Variants in RANBP3L observed in about 807,000 individuals in gnomAD.
RANBP3L encodes ran-binding protein 3-like.
Under a neutral mutation model 67.2 loss-of-function variants are expected in RANBP3L, and 56 were observed. That is an observed-to-expected ratio of 0.83 (90% CI 0.67 to 1.04). RANBP3L has a LOEUF of 1.04. Among genes scored for constraint, RANBP3L ranks in the 50% least tolerant of loss-of-function variants. The pLI is 0.00. For synonymous variants in RANBP3L, 164 were observed against 181.4 expected (o/e 0.90, Z 0.77); for missense variants, 496 against 535.5 (o/e 0.93, Z 0.73).
At chr5:36,292,853 C>G (rs1579786967) in intron 1 of RANBP3L, among the ~76,000 whole-genome samples, 1 of 152,210 alleles carries the variant, frequency 6.6e-6, no homozygotes, top group East Asian at 1.9e-4. Flanking sequence ...CAGCTTCATT[C>G]CTTTGGCTTA....
In RANBP3L at chr5:36,249,580, T is replaced by C; in HGVS notation, c.*74A>G. 1.6e-6 allele frequency: 1 copy of C among 636,934 alleles called. No individual in the cohort carries two copies. Among genetic ancestry groups the C allele is most frequent in the Non-Finnish European group, 2.7e-6 (1 of 372,812 alleles). 39.5% of individuals were successfully genotyped at this position (636,934 alleles called of 1,614,324 possible). A position where few individuals can be genotyped will look rare whatever the true frequency, so the allele number is the denominator to read the frequency against. On this transcript the variant is annotated 3_prime_UTR_variant, in exon 14 of 14. Coordinates refer to ENST00000296604, the MANE Select transcript of RANBP3L (RefSeq NM_145000.5). ...CAAGGAATGAATAGAATCTTCTCATTAGTTAGGGTGGTTTAGTATTTTCAG... is the reference window on the plus strand; with the variant it reads ...CAAGGAATGAATAGAATCTTCTCATCAGTTAGGGTGGTTTAGTATTTTCAG...
intron 1 of RANBP3L, among the ~76,000 whole-genome samples, chr5:36,291,015 A>G (rs1751711215): frequency 6.6e-6 from 1 of 150,674 alleles, no homozygotes; most frequent in South Asian, 2.1e-4. Flanking sequence ...AAGTGCTGGG[A>G]TTACAGGCGT....
intron 1 of RANBP3L, among the ~76,000 whole-genome samples, chr5:36,300,637 C>T (rs767277680): frequency 2.0e-5 from 3 of 152,142 alleles, no homozygotes; most frequent in Admixed American, 6.6e-5. Flanking sequence ...CAGCCTTTCC[C>T]ACAAGTGTCA....
At chr5:36,261,306 CTT>C (rs1749368560) in intron 7 of RANBP3L, among the ~76,000 whole-genome samples, 1 of 151,974 alleles carries the variant, frequency 6.6e-6, no homozygotes, top group South Asian at 2.1e-4. Flanking sequence ...CTCCCAGAAA[CTT>C]TTTTTTAATG....
chr5:36,288,595 G>C (rs549106652), intron 1 of RANBP3L, among the ~76,000 whole-genome samples: 1 of 152,096 alleles, frequency 6.6e-6, no homozygotes, highest in Admixed American at 6.6e-5. Flanking sequence ...TTCCAGCAGC[G>C]AGTGAGTTCT....
rs1752583636 is a variant in RANBP3L, at chr5:36,301,182, A to T, written c.91+144T>A. On this transcript the variant is annotated intron_variant, in intron 1 of 13. Transcript: ENST00000296604. The stretch of plus-strand genomic sequence containing the variant: ...AGTCTTCCATAGTCCTCTAAAAATC[A>T]ATAGTGAATCCAAGTTAACCCACCC... 3 of 669,274 alleles carry T rather than the reference A, an allele frequency of 4.5e-6. No homozygotes were observed. In the Admixed American group the frequency reaches 6.6e-5, roughly 15 times the overall value. 41.5% of individuals were successfully genotyped at this position (669,274 alleles called of 1,614,324 possible).
intron 1 of RANBP3L, among the ~76,000 whole-genome samples, chr5:36,298,351 C>T (rs527737807): frequency 2.0e-5 from 3 of 151,452 alleles, no homozygotes; most frequent in Non-Finnish European, 4.4e-5. Flanking sequence ...AAGCTAGTCA[C>T]GCCTACAGAA....
rs200700462 is a variant in RANBP3L, at chr5:36,301,373, C to T, written c.44G>A (p.Ser15Asn). 24 of 1,613,746 alleles carry T rather than the reference C, an allele frequency of 1.5e-5. No individual in the cohort carries two copies. The highest frequency in any genetic ancestry group is 1.6e-4 in the Middle Eastern group (1 of 6,068). Residue 15 changes from serine to asparagine, a missense_variant, in exon 1 of 14, where the codon AGT (serine) becomes AAT (asparagine). Physicochemically the swap from Ser to Asn is conservative, Grantham distance 46. Transcript: ENST00000296604. ...CAGCTTCAGTTTACAGGTGTGCAAA[C>T]TGCCAGGCAGGTGGCTGCTGCCTTT... ...PRKGSSHLPG[S>N]LHTCKLKLQE...
chr5:36,301,071 T>C (rs949369326), intron 1 of RANBP3L, among the ~76,000 whole-genome samples: 6 of 152,152 alleles, frequency 3.9e-5, no homozygotes, highest in Admixed American at 1.3e-4. Flanking sequence ...TTAGACAAAA[T>C]CTAGCATACT....
Position 36,292,422 on chromosome 5 carries a change from A to G in RANBP3L, c.91+8904T>C, listed in dbSNP as rs549767750. 3.3e-5 allele frequency among the ~76,000 whole-genome samples: 5 copies of G among 152,118 alleles called. No individual in the cohort carries two copies. In the South Asian group the frequency reaches 8.3e-4, roughly 25 times the overall value. On this transcript the variant is annotated intron_variant, in intron 1 of 13. Coordinates refer to ENST00000296604, the MANE Select transcript of RANBP3L (RefSeq NM_145000.5). ...GAGTTTAATTAGATCCCATTTGTCA[A>G]TTTTGGCTTTTGTTGCCATTGCTTT... is the stretch of plus-strand genomic sequence containing the variant.
chr5:36,254,413 C>G (rs1326989024), intron 11 of RANBP3L, among the ~76,000 whole-genome samples: 3 of 151,910 alleles, frequency 2.0e-5, no homozygotes, highest in Non-Finnish European at 4.4e-5. Context: ...TCAATCCATG[C>G]TTTCTGTTTT....
chr5:36,252,739 G>T (rs1748684310), intron 12 of RANBP3L, among the ~76,000 whole-genome samples: 3 of 152,064 alleles, frequency 2.0e-5, no homozygotes, highest in Admixed American at 2.0e-4. Flanking sequence ...GGGGAATCTG[G>T]CCCAGACGAC....
chr5:36,294,633 T>G (rs1044673570), intron 1 of RANBP3L, among the ~76,000 whole-genome samples: 1 of 151,972 alleles, frequency 6.6e-6, no homozygotes, highest in African/African-American at 2.4e-5. Context: ...AAGAACATTT[T>G]TATTTCTGCC....
At chr5:36,298,780 G>T (rs1333244631) in intron 1 of RANBP3L, among the ~76,000 whole-genome samples, 4 of 152,222 alleles carry the variant, frequency 2.6e-5, no homozygotes, top group Non-Finnish European at 1.5e-5. Context: ...GGAAGAATAT[G>T]CTTGCTTTCA....
chr5:36,255,227 A>G (rs567928837), intron 11 of RANBP3L, among the ~76,000 whole-genome samples: 1 of 152,214 alleles, frequency 6.6e-6, no homozygotes, highest in Non-Finnish European at 1.5e-5. Flanking sequence ...TAGAGTAGAG[A>G]AAGAGATTTA....
chr5:36,255,499 G>A lies in RANBP3L; in HGVS notation c.995C>T (p.Thr332Ile), dbSNP rs893627737. 5.6e-6 allele frequency: 9 copies of A among 1,611,576 alleles called. No individual in the cohort carries two copies. In the African/African-American group the frequency reaches 8.0e-5, roughly 14 times the overall value. The change falls in exon 11 of 14, where the codon ACT (threonine) becomes ATT (isoleucine). Residue 332 changes from threonine to isoleucine, a missense_variant. Thr to Ile is a moderately conservative substitution (Grantham distance 89). Transcript: ENST00000296604. ...TCTTGACTGTAATGTTCCACAGTCA[G>A]TGCTTGCTGTGTCATTCAGTCTCAA... is the stretch of plus-strand genomic sequence containing the variant. The part of the protein sequence containing the change: ...GTLRLNDTAS[T>I]DCGTLQSRLI...
chr5:36,251,290 CT>C, intron 13 of RANBP3L, 22 bp downstream of exon 13: 1 of 1,593,106 alleles, frequency 6.3e-7, no homozygotes, highest in Non-Finnish European at 8.6e-7. Flanking sequence ...AACCTCTGAA[CT>C]AACAAAACAA....
At chr5:36,266,976 C>T (rs1040177006) in intron 4 of RANBP3L, among the ~76,000 whole-genome samples, 3 of 152,214 alleles carry the variant, frequency 2.0e-5, no homozygotes, top group African/African-American at 4.8e-5. Context: ...ACGCTGGTTT[C>T]GAACTCCTGG....
At chr5:36,268,205 G>T in intron 4 of RANBP3L, 1 of 1,537,472 alleles carries the variant, frequency 6.5e-7, no homozygotes. Flanking sequence ...GGCCCAGAAT[G>T]GGGGAAGGTT....
Sources: gnomAD v4.1 joint callset for allele counts (sites outside exome capture counted in the v4.1 genomes callset) on GRCh38, gnomAD v4.1.1 for gene constraint, MANE v1.5 for transcripts, NCBI Gene and HGNC (gene_info 2026-07-23, HGNC 2026-07-21) for gene names.